GSTCD: variants seen among roughly 807,000 people sequenced by gnomAD.
GSTCD encodes glutathione S-transferase C-terminal domain-containing protein.
GSTCD carries 44 observed loss-of-function variants against 68.3 expected under a neutral mutation model. The observed-to-expected ratio is 0.64, with a 90% CI of 0.51 to 0.83. GSTCD has a LOEUF of 0.83. GSTCD is among the 40% of genes least tolerant of loss of function. The pLI, the probability that GSTCD is intolerant of heterozygous loss-of-function variation, is 0.00. For missense variants in GSTCD, 739 were observed against 735.9 expected (o/e 1.00, Z -0.05); for synonymous variants, 273 against 255.2 (o/e 1.07, Z -0.67).
At chr4:105,725,935 T>A (rs1733015504) in intron 3 of GSTCD, among the ~76,000 whole-genome samples, 1 of 152,074 alleles carries the variant, frequency 6.6e-6, no homozygotes, top group Non-Finnish European at 1.5e-5. Context: ...GGATTGCTAG[T>A]GGGAATTGTA....
chr4:105,794,199 G>A (rs561613767), intron 5 of GSTCD, among the ~76,000 whole-genome samples: 3 of 152,108 alleles, frequency 2.0e-5, no homozygotes, highest in Non-Finnish European at 4.4e-5. Flanking sequence ...GTATAAGTCT[G>A]AAAAAGGCAA....
rs982985995 is a variant in GSTCD, at chr4:105,847,038, G to A, written c.*1461G>A. The A allele has an allele frequency of 2.6e-5, 4 of 152,024 alleles. No individual in the cohort carries two copies. The highest frequency in any genetic ancestry group is 2.4e-5 in the African/African-American group (1 of 41,388). The allele number at this position is 152,024 out of a possible 1,614,324, so 9.4% of individuals were successfully genotyped here. The stretch of plus-strand genomic sequence containing the variant: ...CAATCATTTTTATTTATATATTTCT[G>A]GGTAAAACTTATTAGTGGTGTGAGG... On this transcript the variant is annotated 3_prime_UTR_variant, in exon 12 of 12. Coordinates refer to ENST00000515279, the MANE Select transcript of GSTCD (RefSeq NM_001370181.1).
intron 5 of GSTCD, among the ~76,000 whole-genome samples, chr4:105,791,334 A>G (rs1735661773): frequency 1.3e-5 from 2 of 150,280 alleles, no homozygotes; most frequent in South Asian, 4.2e-4. Flanking sequence ...CGGAGCTTGC[A>G]GTGAGCCGAG....
chr4:105,713,457 T>C (rs1732597880), intron 1 of GSTCD, among the ~76,000 whole-genome samples: 1 of 152,232 alleles, frequency 6.6e-6, no homozygotes, highest in Admixed American at 6.5e-5. Flanking sequence ...TTGGTAAAAT[T>C]GCTTCAATTT....
chr4:105,767,856 T>A (rs933528333), intron 5 of GSTCD, among the ~76,000 whole-genome samples: 1 of 152,032 alleles, frequency 6.6e-6, no homozygotes, highest in Non-Finnish European at 1.5e-5. Context: ...AGAACTGGGG[T>A]TTGGGGTTAG....
At chr4:105,819,509 G>A (rs1723171400) in intron 5 of GSTCD, among the ~76,000 whole-genome samples, 1 of 151,608 alleles carries the variant, frequency 6.6e-6, no homozygotes. Flanking sequence ...TGAGTATTGG[G>A]CATATAAGTA....
At chr4:105,709,335 G>C (rs971245269) in intron 1 of GSTCD, 2 of 152,420 alleles carry the variant, frequency 1.3e-5, no homozygotes, top group African/African-American at 4.8e-5. Flanking sequence ...GGTTGGGGTG[G>C]TTTGATATTT....
rs12640463 is a variant in GSTCD, at chr4:105,775,273, T to G, written c.1240+45774T>G. 6.0e-3 allele frequency among the ~76,000 whole-genome samples: 909 copies of G among 152,308 alleles called. 21 individuals are homozygous for G. The East Asian group carries it at 0.068, about 11-fold the overall frequency. ...TCCTCTAACCTTTTTTCAAGGTTCT[T>G]AGCTTCTTTGCATTGGGTTAGAACA... On this transcript the variant is annotated intron_variant, in intron 5 of 11. Transcript: ENST00000515279.
At chr4:105,818,217 G>A (rs72673834) in intron 5 of GSTCD, among the ~76,000 whole-genome samples, 6,749 of 151,676 alleles carry the variant, frequency 0.044, 203 homozygotes, top group Middle Eastern at 0.13. Flanking sequence ...AGACTTTATA[G>A]TATAAAAGAT....
rs148099746 is a variant in GSTCD, at chr4:105,719,919, C to T, written c.894+392C>T. 2.3e-4 allele frequency among the ~76,000 whole-genome samples: 34 copies of T among 150,926 alleles called. 1 individual carries two copies. Among genetic ancestry groups the T allele is most frequent in the Admixed American group, 2.1e-3 (32 of 15,162 alleles). On this transcript the variant is annotated intron_variant, in intron 3 of 11. Coordinates refer to ENST00000515279, the MANE Select transcript of GSTCD (RefSeq NM_001370181.1). ...GTGGTGCAATGGATACTCCGTTGGA[C>T]GTCTACTATTAGAGGGTGCAGTTAA...
intron 5 of GSTCD, among the ~76,000 whole-genome samples, chr4:105,769,842 A>G (rs753583302): frequency 3.3e-5 from 5 of 152,060 alleles, no homozygotes; most frequent in South Asian, 2.1e-4. Context: ...TGCAGCCTCA[A>G]TCTCCTGGGC....
At chr4:105,767,834 C>G (rs1262483639) in intron 5 of GSTCD, among the ~76,000 whole-genome samples, 1 of 152,056 alleles carries the variant, frequency 6.6e-6, no homozygotes, top group African/African-American at 2.4e-5. Context: ...TCTTTTTCTT[C>G]TCTGTGCCCT....
At chr4:105,763,856 G>A (rs911179291) in intron 5 of GSTCD, among the ~76,000 whole-genome samples, 5 of 151,932 alleles carry the variant, frequency 3.3e-5, no homozygotes, top group Non-Finnish European at 5.9e-5. Flanking sequence ...TACATGTTTA[G>A]TAATAATTTG....
At chr4:105,773,719 C>T (rs566035425) in intron 5 of GSTCD, among the ~76,000 whole-genome samples, 23 of 151,680 alleles carry the variant, frequency 1.5e-4, no homozygotes, top group African/African-American at 5.3e-4. Flanking sequence ...CTGTGGTCTG[C>T]GAGACTGTTA....
chr4:105,778,291 G>A (rs1452084359), intron 5 of GSTCD, among the ~76,000 whole-genome samples: 1 of 152,032 alleles, frequency 6.6e-6, no homozygotes, highest in Admixed American at 6.6e-5. Flanking sequence ...TAGACTACAT[G>A]TTAAATAAAT....
intron 7 of GSTCD, 175 bp downstream of exon 7, chr4:105,823,450 A>C: frequency 2.1e-6 from 1 of 479,150 alleles, no homozygotes; most frequent in Non-Finnish European, 3.7e-6. Context: ...TAAGGAAAAA[A>C]AAGTAAAGTA....
chr4:105,734,307 G>A (rs192464677), intron 5 of GSTCD, among the ~76,000 whole-genome samples: 174 of 152,220 alleles, frequency 1.1e-3, no homozygotes, highest in Admixed American at 2.2e-3. Context: ...CATTCTCCCC[G>A]TCACTTTCAG....
Position 105,735,622 on chromosome 4 carries a change from C to T in GSTCD, c.1240+6123C>T, listed in dbSNP as rs181181612. ...GGAATTCCCTGACCCCTTGCACTTC[C>T]TGGGTGAGGCGATGCCTCACCCTGC... On this transcript the variant is annotated intron_variant, in intron 5 of 11. Coordinates refer to ENST00000515279, the MANE Select transcript of GSTCD (RefSeq NM_001370181.1). 3.6e-3 allele frequency among the ~76,000 whole-genome samples: 542 copies of T among 152,278 alleles called. 5 individuals are homozygous for T. The highest frequency in any genetic ancestry group is 0.012 in the African/African-American group (509 of 41,550).
intron 11 of GSTCD, 84 bp downstream of exon 11, chr4:105,842,218 T>G: frequency 9.6e-7 from 1 of 1,038,372 alleles, no homozygotes; most frequent in Non-Finnish European, 1.5e-6. Context: ...ATGGGAAAAA[T>G]TTAGCAACAT....
Sources: allele counts gnomAD v4.1 joint callset (sites outside exome capture counted in the v4.1 genomes callset), GRCh38; gene constraint gnomAD v4.1.1; transcripts MANE v1.5; gene names NCBI Gene and HGNC (gene_info 2026-07-23, HGNC 2026-07-21).